Variants in NR6A1 observed in about 807,000 individuals in gnomAD.
NR6A1 encodes nuclear receptor subfamily 6 group A member 1.
In NR6A1, 7 loss-of-function variants were observed where a neutral mutation model predicts 59.1. The observed-to-expected ratio is 0.12, with a 90% CI of 0.07 to 0.22. NR6A1 has a LOEUF of 0.22. Ranked by LOEUF, NR6A1 falls within the 10% of genes least tolerant of loss-of-function variation. The pLI is 1.00. For synonymous variants in NR6A1, 243 were observed against 236.1 expected (o/e 1.03, Z -0.27); for missense variants, 468 against 611.6 (o/e 0.77, Z 2.48).
intron 2 of NR6A1, among the ~76,000 whole-genome samples, chr9:124,607,000 T>C (rs77346093): frequency 0.016 from 2,499 of 152,276 alleles, 76 homozygotes; most frequent in East Asian, 0.15. Flanking sequence ...TTTAAATATG[T>C]TGAGTAAAGG....
chr9:124,528,841 G>A (rs895971816), intron 7 of NR6A1, among the ~76,000 whole-genome samples: 3 of 151,930 alleles, frequency 2.0e-5, no homozygotes, highest in African/African-American at 7.3e-5. Context: ...CACTTATATC[G>A]CATCCAGTAT....
At chr9:124,726,044 A>ACATTTTATGG (rs1388027871) in intron 2 of NR6A1, among the ~76,000 whole-genome samples, 7 of 152,228 alleles carry the variant, frequency 4.6e-5, no homozygotes, top group Non-Finnish European at 7.3e-5. Flanking sequence ...TTTTTATGGT[A>ACATTTTATGG]CCAATCACAG....
intron 2 of NR6A1, among the ~76,000 whole-genome samples, chr9:124,649,465 T>C (rs1003496994): frequency 1.3e-5 from 2 of 152,152 alleles, no homozygotes; most frequent in East Asian, 1.9e-4. Flanking sequence ...TCAAAATGGG[T>C]TGAAGACTTA....
At chr9:124,554,696 G>A (rs1833878102) in intron 2 of NR6A1, 126 bp from the exon 3 acceptor site, 1 of 1,182,634 alleles carries the variant, frequency 8.5e-7, no homozygotes, top group Admixed American at 2.1e-5. Context: ...CAAACAGGGG[G>A]CCCATCTTCG....
chr9:124,761,668 C>A, intron 1 of NR6A1, among the ~76,000 whole-genome samples: 1 of 152,172 alleles, frequency 6.6e-6, no homozygotes, highest in East Asian at 1.9e-4. Flanking sequence ...TCAGTGAAGC[C>A]AAACATGTCT....
At chr9:124,579,032 G>C (rs996706998) in intron 2 of NR6A1, among the ~76,000 whole-genome samples, 1 of 152,154 alleles carries the variant, frequency 6.6e-6, no homozygotes, top group African/African-American at 2.4e-5. Flanking sequence ...CTGTAATCCC[G>C]GCACTTTGGG....
At chr9:124,723,089 T>G (rs908567019) in intron 2 of NR6A1, among the ~76,000 whole-genome samples, 1 of 151,970 alleles carries the variant, frequency 6.6e-6, no homozygotes, top group African/African-American at 2.4e-5. Context: ...ATACATACTA[T>G]TTATTATACA....
intron 2 of NR6A1, among the ~76,000 whole-genome samples, chr9:124,712,241 A>C (rs1040079371): frequency 1.3e-5 from 2 of 152,216 alleles, no homozygotes; most frequent in African/African-American, 4.8e-5. Flanking sequence ...TTATGACTAC[A>C]CGAAAAATTA....
chr9:124,645,664 A>G (rs777890114), intron 2 of NR6A1, among the ~76,000 whole-genome samples: 61 of 152,240 alleles, frequency 4.0e-4, no homozygotes, highest in Non-Finnish European at 2.9e-4. Context: ...ATAGAACTAC[A>G]AGAAAAAAAC....
chr9:124,690,116 C>G (rs112060094), intron 2 of NR6A1, among the ~76,000 whole-genome samples: 1 of 152,290 alleles, frequency 6.6e-6, no homozygotes, highest in Non-Finnish European at 1.5e-5. Context: ...AGCATTACCC[C>G]CAAACACTTA....
rs554156843 is a variant in NR6A1, at chr9:124,628,912, G to C, written c.143-74342C>G. Among the ~76,000 whole-genome samples, 4 of 151,614 alleles carry C rather than the reference G, an allele frequency of 2.6e-5. No individual in the cohort carries two copies. In the South Asian group the frequency reaches 6.3e-4, roughly 24 times the overall value. On this transcript the variant is annotated intron_variant, in intron 2 of 9. Coordinates refer to ENST00000487099, the MANE Select transcript of NR6A1 (RefSeq NM_033334.4). ...CGAGTTCAGGCAATCTGCCCACCTC[G>C]GCCTCCCAAAGTGCTAGGATTACAG...
At chr9:124,551,149 G>A (rs966624980) in intron 3 of NR6A1, among the ~76,000 whole-genome samples, 36 of 152,128 alleles carry the variant, frequency 2.4e-4, no homozygotes, top group African/African-American at 7.7e-4. Flanking sequence ...GTTTTCCAAT[G>A]AGTCCTCATT....
intron 2 of NR6A1, among the ~76,000 whole-genome samples, chr9:124,593,773 T>A (rs534196832): frequency 6.6e-6 from 1 of 152,310 alleles, no homozygotes; most frequent in South Asian, 2.1e-4. Context: ...TCTTGAAGTG[T>A]GCACAATGGC....
At chr9:124,605,028 A>G (rs376286069) in intron 2 of NR6A1, among the ~76,000 whole-genome samples, 1 of 152,210 alleles carries the variant, frequency 6.6e-6, no homozygotes, top group African/African-American at 2.4e-5. Flanking sequence ...AACGCTGCTA[A>G]CCATTACAAA....
rs752792787 is a variant in NR6A1 at position 124,771,050 on chromosome 9, G to C, written c.70C>G (p.Pro24Ala). The C allele has an allele frequency of 1.9e-5, 23 of 1,230,770 alleles. No individual in the cohort carries two copies. Among genetic ancestry groups the C allele is most frequent in the East Asian group, 9.5e-5 (3 of 31,600 alleles). The allele number at this position is 1,230,770 out of a possible 1,614,324, so 76.2% of individuals were successfully genotyped here. A position where few individuals can be genotyped will look rare whatever the true frequency, so the allele number is the denominator to read the frequency against. Reference protein sequence around the residue: ...GGGSAGFLEPPAALPPPPRNG... With the variant: ...GGGSAGFLEPAAALPPPPRNG... ...CGCGGCGGCGGAGGGAGCGCGGCGG[G>C]AGGCTCCAGGAACCCCGCCGAGCCC... is the stretch of plus-strand genomic sequence containing the variant. The change falls in exon 1 of 10, where the codon CCC becomes GCC. Residue 24 changes from proline to alanine, a missense_variant. Pro to Ala is a conservative substitution (Grantham distance 27, BLOSUM62 -1). Around this residue, in one of 4 missense-constraint regions of NR6A1, gnomAD observed 75 missense variants for 65.6 expected, o/e 1.14. Coordinates refer to ENST00000487099, the MANE Select transcript of NR6A1 (RefSeq NM_033334.4).
intron 2 of NR6A1, among the ~76,000 whole-genome samples, chr9:124,563,112 T>C (rs1412418823): frequency 2.0e-5 from 3 of 152,222 alleles, no homozygotes; most frequent in African/African-American, 4.8e-5. Context: ...ATAGAGAAGA[T>C]ACACAATTTG....
At chr9:124,580,742 C>T (rs139223918) in intron 2 of NR6A1, among the ~76,000 whole-genome samples, 6,638 of 152,124 alleles carry the variant, frequency 0.044, 197 homozygotes, top group Middle Eastern at 0.099. Context: ...ATCGCTTGAA[C>T]CCAGGAGGCA....
chr9:124,701,796 T>C (rs571371258), intron 2 of NR6A1, among the ~76,000 whole-genome samples: 5 of 152,326 alleles, frequency 3.3e-5, no homozygotes, highest in African/African-American at 1.2e-4. Context: ...CAATCTCGGC[T>C]CACTGCAACC....
chr9:124,730,224 G>A (rs1312853376), intron 2 of NR6A1, among the ~76,000 whole-genome samples: 1 of 152,158 alleles, frequency 6.6e-6, no homozygotes, highest in African/African-American at 2.4e-5. Context: ...CATACGCTAA[G>A]TACAAATTTT....
Sources: gnomAD v4.1 joint callset for allele counts (sites outside exome capture counted in the v4.1 genomes callset) on GRCh38, gnomAD v4.1.1 for gene constraint, gnomAD v4.1.1 regional missense constraint, MANE v1.5 for transcripts, NCBI Gene and HGNC (gene_info 2026-07-23, HGNC 2026-07-21) for gene names.